Variants in ZMYM2 observed in about 807,000 individuals in gnomAD.
The protein encoded by ZMYM2 is zinc finger MYM-type containing 2.
Under a neutral mutation model 162.8 loss-of-function variants are expected in ZMYM2, and 56 were observed. That is an observed-to-expected ratio of 0.34 (90% CI 0.28 to 0.43). ZMYM2 has a LOEUF of 0.43. ZMYM2 is among the 20% of genes least tolerant of loss of function. The pLI is 1.00. For synonymous variants in ZMYM2, 510 were observed against 541.6 expected (o/e 0.94, Z 0.81); for missense variants, 1,275 against 1,621.8 (o/e 0.79, Z 3.67).
chr13:19,889,028 G>A, the ZMYM2 span, among the ~76,000 whole-genome samples: 2 of 151,818 alleles, frequency 1.3e-5, no homozygotes, highest in East Asian at 3.9e-4. Context: ...TTAAATATAG[G>A]GCATCCTACT....
chr13:20,046,651 G>T, intron 12 of ZMYM2, among the ~76,000 whole-genome samples: 1 of 142,042 alleles, frequency 7.0e-6, no homozygotes, highest in Admixed American at 6.9e-5. Context: ...GTGTACATAT[G>T]TATATGTGTG....
the ZMYM2 span, among the ~76,000 whole-genome samples, chr13:19,915,308 T>G: frequency 6.6e-6 from 1 of 152,216 alleles, no homozygotes; most frequent in Non-Finnish European, 1.5e-5. Context: ...TTGGCCAGGT[T>G]GGTCTTGAAC....
chr13:20,079,589 A>G (rs950827772), intron 21 of ZMYM2, among the ~76,000 whole-genome samples: 3 of 152,274 alleles, frequency 2.0e-5, no homozygotes, highest in South Asian at 2.1e-4. Context: ...GTGACTGCCT[A>G]TGGTGGAAAA....
At chr13:20,022,326 T>G (rs1952186947) in intron 7 of ZMYM2, among the ~76,000 whole-genome samples, 1 of 152,180 alleles carries the variant, frequency 6.6e-6, no homozygotes, top group African/African-American at 2.4e-5. Context: ...TCCTCAAGAT[T>G]AGATTGAGGT....
At chr13:20,074,668 A>G (rs1044152015) in intron 21 of ZMYM2, among the ~76,000 whole-genome samples, 4 of 151,876 alleles carry the variant, frequency 2.6e-5, no homozygotes, top group African/African-American at 7.3e-5. Context: ...CCTCCCGAGT[A>G]GCTGGCACTA....
At chr13:20,045,473 T>G (rs1452036242) in intron 12 of ZMYM2, among the ~76,000 whole-genome samples, 1 of 152,210 alleles carries the variant, frequency 6.6e-6, no homozygotes, top group African/African-American at 2.4e-5. Context: ...ACATACACTC[T>G]AAAACGTGTT....
At chr13:19,980,100 TAAA>T (rs1957181768) in intron 2 of ZMYM2, among the ~76,000 whole-genome samples, 1 of 152,034 alleles carries the variant, frequency 6.6e-6, no homozygotes, top group Admixed American at 6.5e-5. Flanking sequence ...ATTTTTACAT[TAAA>T]TTTTTTATTA....
In ZMYM2 at chr13:20,061,150, T is replaced by A. The variant is rs1257601561; in HGVS notation, c.2837T>A (p.Leu946His). 2 of 1,613,678 alleles carry A rather than the reference T, an allele frequency of 1.2e-6. No homozygotes were observed. Among genetic ancestry groups the A allele is most frequent in the East Asian group, 4.5e-5 (2 of 44,858 alleles). Reference protein sequence around the residue: ...ELKSKVSSDALDTELLTMTDM... With the variant: ...ELKSKVSSDAHDTELLTMTDM... ...AAAAGCAAGGTTTCTTCAGATGCTC[T>A]TGATACAGAGTTGCTTACAATGACG... Residue 946 changes from leucine (L) to histidine (H), a missense_variant, in exon 17 of 25, where the codon CTT (leucine) becomes CAT (histidine). By Grantham distance (99) the Leu-to-His change is moderately conservative. Around this residue, in one of 10 missense-constraint regions of ZMYM2, gnomAD observed 229 missense variants for 283.8 expected, o/e 0.81. Transcript: ENST00000610343.
intron 14 of ZMYM2, among the ~76,000 whole-genome samples, chr13:20,057,137 CTG>C (rs369787064): frequency 1.0e-3 from 154 of 152,284 alleles, no homozygotes; most frequent in African/African-American, 3.3e-3. Context: ...AAGTCTAACT[CTG>C]TCATCCAGGC....
chr13:20,006,379 C>T lies in ZMYM2; in HGVS notation c.1305C>T (p.Arg435=). The T allele has an allele frequency of 6.3e-7, 1 of 1,577,716 alleles. No individual in the cohort carries two copies. The highest frequency in any genetic ancestry group is 8.6e-7 in the Non-Finnish European group (1 of 1,160,776). ...CTICGKLTEI[R]HEVSFKNMTH... is the part of the protein sequence containing the mutation. Reference sequence around the variant, plus strand: ...TTTGTTTATTTTTCTTTTAGATTCGCCATGAAGTCAGCTTTAAAAATATGA... The same window carrying T: ...TTTGTTTATTTTTCTTTTAGATTCGTCATGAAGTCAGCTTTAAAAATATGA... Residue 435 remains arginine (R), a synonymous_variant, in exon 6 of 25, where the codon CGC becomes CGT. Coordinates refer to ENST00000610343, the MANE Select transcript of ZMYM2 (RefSeq NM_197968.4).
chr13:19,896,832 G>T, the ZMYM2 span, among the ~76,000 whole-genome samples: 5 of 151,120 alleles, frequency 3.3e-5, no homozygotes, highest in African/African-American at 1.2e-4. Context: ...CCCAGCACTT[G>T]GGGAGGCCGA....
At chr13:19,973,116 T>C (rs1381042910) in intron 2 of ZMYM2, among the ~76,000 whole-genome samples, 2 of 151,750 alleles carry the variant, frequency 1.3e-5, no homozygotes, top group East Asian at 3.9e-4. Flanking sequence ...TTTGTATTTT[T>C]AGTAGAGATG....
intron 7 of ZMYM2, chr13:20,024,931 T>TTTTAATAAGATGCAGCGTAAGTGG (rs1242737969): frequency 4.6e-6 from 1 of 215,628 alleles, no homozygotes; most frequent in African/African-American, 2.3e-5. Flanking sequence ...GCGTAAGTGG[T>TTTTAATAAGATGCAGCGTAAGTGG]TTTAATAAGA....
rs1952606101 is a variant in ZMYM2, at chr13:20,026,637, C to T, written c.1610C>T (p.Thr537Ile). Reference protein sequence around the residue: ...PEKYGKLTTCTGCRTQCRFFD... With the variant: ...PEKYGKLTTCIGCRTQCRFFD... ...AAATATGGAAAACTGACAACTTGTA[C>T]TGGTTGCCGAACACAGTGCAGGTTT... The change falls in exon 8 of 25, where the codon ACT becomes ATT. Residue 537 changes from threonine (T) to isoleucine (I), a missense_variant. This residue lies in a region of ZMYM2 where 276 missense variants were observed against 311.8 expected (regional missense o/e 0.89). Transcript: ENST00000610343. 1 of 1,603,946 alleles carries T rather than the reference C, an allele frequency of 6.2e-7. No individual in the cohort carries two copies. Among genetic ancestry groups the T allele is most frequent in the Non-Finnish European group, 8.5e-7 (1 of 1,177,616 alleles).
intron 6 of ZMYM2, among the ~76,000 whole-genome samples, chr13:20,007,726 T>A (rs1424074174): frequency 6.6e-6 from 1 of 151,730 alleles, no homozygotes; most frequent in Admixed American, 6.6e-5. Context: ...GTTCAAGTGA[T>A]TCTCCTGCCT....
At chr13:19,879,145 ATT>A in the ZMYM2 span, among the ~76,000 whole-genome samples, 1 of 152,048 alleles carries the variant, frequency 6.6e-6, no homozygotes, top group East Asian at 1.9e-4. Context: ...TCTTTGATTC[ATT>A]TTGAGTTAAT....
At chr13:19,970,413 T>G (rs960363096) in intron 2 of ZMYM2, among the ~76,000 whole-genome samples, 4 of 151,954 alleles carry the variant, frequency 2.6e-5, no homozygotes, top group Non-Finnish European at 4.4e-5. Flanking sequence ...GTAAAAAAAA[T>G]TAGGACCAAA....
At chr13:20,068,718 T>C (rs1009732455) in intron 21 of ZMYM2, among the ~76,000 whole-genome samples, 2 of 152,138 alleles carry the variant, frequency 1.3e-5, no homozygotes, top group Non-Finnish European at 2.9e-5. Context: ...TTCAGAACAA[T>C]TTATTTAAGG....
the ZMYM2 span, among the ~76,000 whole-genome samples, chr13:19,888,923 G>T: frequency 6.6e-6 from 1 of 151,876 alleles, no homozygotes; most frequent in African/African-American, 2.4e-5. Flanking sequence ...CTTTAAATTA[G>T]GTTCTCAAAC....
Sources: gnomAD v4.1 joint callset for allele counts (sites outside exome capture counted in the v4.1 genomes callset) on GRCh38, gnomAD v4.1.1 for gene constraint, gnomAD v4.1.1 regional missense constraint, MANE v1.5 for transcripts, NCBI Gene and HGNC (gene_info 2026-07-23, HGNC 2026-07-21) for gene names.